The following ZNF423 variants were observed in gnomAD, a reference collection of about 807,000 sequenced individuals.
ZNF423 encodes Ebf-associated zinc finger protein.
ZNF423 carries 12 observed loss-of-function variants against 95.8 expected under a neutral mutation model. That is an observed-to-expected ratio of 0.13 (90% CI 0.08 to 0.20). The LOEUF is 0.20. ZNF423 is among the 10% of genes least tolerant of loss of function. The pLI is 1.00. For missense variants in ZNF423, 1,316 were observed against 1,737.1 expected (o/e 0.76, Z 4.31); for synonymous variants, 749 against 711.9 (o/e 1.05, Z -0.83).
At chr16:49,658,362 G>C (rs906592656) in intron 3 of ZNF423, among the ~76,000 whole-genome samples, 5 of 152,234 alleles carry the variant, frequency 3.3e-5, no homozygotes, top group African/African-American at 1.2e-4. Flanking sequence ...GCCAGGAAGA[G>C]AAGAGCCAGA....
chr16:49,826,246 G>A lies in ZNF423; in HGVS notation c.40+29489C>T, dbSNP rs796743799. On this transcript the variant is annotated intron_variant, in intron 1 of 7. Transcript: ENST00000563137. Reference sequence around the variant, plus strand: ...AAAAGAAAGGGCTGTCACATGCCAGGGATGGGCTTTGATGTGCATTATTAC... The same window carrying A: ...AAAAGAAAGGGCTGTCACATGCCAGAGATGGGCTTTGATGTGCATTATTAC... Among the ~76,000 whole-genome samples the A allele has an allele frequency of 6.6e-5, 10 of 152,254 alleles. No homozygotes were observed. The South Asian group carries it at 1.0e-3, about 16-fold the overall frequency.
At chr16:49,845,690 G>C (rs1244245456) in intron 1 of ZNF423, among the ~76,000 whole-genome samples, 1 of 150,544 alleles carries the variant, frequency 6.6e-6, no homozygotes, top group African/African-American at 2.5e-5. Flanking sequence ...ACAGGCTCCT[G>C]CCACCACACC....
intron 1 of ZNF423, chr16:49,822,593 C>T (rs1234114447): frequency 7.2e-6 from 9 of 1,257,718 alleles, no homozygotes; most frequent in Non-Finnish European, 1.0e-5. Flanking sequence ...TCCAAGAGAA[C>T]TAAGCTCTAG....
chr16:49,854,504 C>G, intron 1 of ZNF423: 1 of 985,470 alleles, frequency 1.0e-6, no homozygotes, highest in Non-Finnish European at 1.2e-6. Flanking sequence ...CAGAACTGGG[C>G]TCAGGCCAGA....
intron 2 of ZNF423, among the ~76,000 whole-genome samples, chr16:49,745,092 T>C (rs2033494763): frequency 6.6e-6 from 1 of 152,146 alleles, no homozygotes; most frequent in Non-Finnish European, 1.5e-5. Context: ...GAAAGCGGGC[T>C]CTTTGTATCA....
intron 5 of ZNF423, among the ~76,000 whole-genome samples, chr16:49,575,291 C>T (rs1282664403): frequency 5.9e-5 from 9 of 152,132 alleles, no homozygotes; most frequent in African/African-American, 1.9e-4. Flanking sequence ...TCTGGCTCCC[C>T]GTCTCCCTGC....
intron 1 of ZNF423, chr16:49,822,753 A>C: frequency 6.3e-7 from 1 of 1,594,772 alleles, no homozygotes; most frequent in East Asian, 2.3e-5. Context: ...GGGAATAAAT[A>C]CAAAATTTCT....
chr16:49,524,892 G>C (rs1487347802), intron 6 of ZNF423, among the ~76,000 whole-genome samples: 1 of 152,218 alleles, frequency 6.6e-6, no homozygotes, highest in South Asian at 2.1e-4. Flanking sequence ...TGGGAACTTG[G>C]CCGGCAGAGC....
intron 1 of ZNF423, chr16:49,854,302 T>A: frequency 2.0e-6 from 2 of 985,366 alleles, no homozygotes; most frequent in East Asian, 2.3e-4. Flanking sequence ...CCTTCTAATA[T>A]GACGGGGAGG....
At chr16:49,763,070 G>A (rs768323023) in intron 2 of ZNF423, among the ~76,000 whole-genome samples, 2 of 151,892 alleles carry the variant, frequency 1.3e-5, no homozygotes, top group Non-Finnish European at 2.9e-5. Flanking sequence ...GTCTTGCTAC[G>A]TCACCCAGGC....
chr16:49,676,305 ATGCACAT>A (rs1317847148), intron 3 of ZNF423, among the ~76,000 whole-genome samples: 1 of 152,226 alleles, frequency 6.6e-6, no homozygotes, highest in East Asian at 1.9e-4. Context: ...TGGCTGGAAA[ATGCACAT>A]TCCCAGATCT....
At chr16:49,811,353 AATG>A (rs2034749398) in intron 1 of ZNF423, among the ~76,000 whole-genome samples, 1 of 152,022 alleles carries the variant, frequency 6.6e-6, no homozygotes, top group African/African-American at 2.4e-5. Flanking sequence ...TGGGATCTCA[AATG>A]ATCGCAGGGG....
intron 7 of ZNF423, among the ~76,000 whole-genome samples, chr16:49,498,462 CGGG>C (rs1474081561): frequency 6.6e-6 from 1 of 152,164 alleles, no homozygotes; most frequent in Non-Finnish European, 1.5e-5. Context: ...GAGAGGAAGG[CGGG>C]GGCCTTATTG....
chr16:49,583,058 C>T (rs149183868), intron 5 of ZNF423, among the ~76,000 whole-genome samples: 1 of 152,324 alleles, frequency 6.6e-6, no homozygotes, highest in East Asian at 1.9e-4. Context: ...CTGTTCCTGC[C>T]TGGCTGGTAA....
At chr16:49,700,213 A>AG (rs1180535307) in intron 3 of ZNF423, among the ~76,000 whole-genome samples, 2,791 of 65,614 alleles carry the variant, frequency 0.043, 52 homozygotes, top group Non-Finnish European at 0.055. Context: ...AAAAAAAAAA[A>AG]AAAACAAGAA....
chr16:49,571,862 G>C (rs1185647666), intron 5 of ZNF423, among the ~76,000 whole-genome samples: 1 of 152,156 alleles, frequency 6.6e-6, no homozygotes, highest in African/African-American at 2.4e-5. Flanking sequence ...GGCAAGTTGG[G>C]TTTTGAATTT....
chr16:49,796,557 G>A (rs543629015), intron 1 of ZNF423, among the ~76,000 whole-genome samples: 14 of 152,336 alleles, frequency 9.2e-5, no homozygotes, highest in African/African-American at 3.4e-4. Context: ...TCAAAGTCAG[G>A]CAAGATGTGT....
At chr16:49,692,578 G>A (rs370264390) in intron 3 of ZNF423, among the ~76,000 whole-genome samples, 1 of 152,192 alleles carries the variant, frequency 6.6e-6, no homozygotes, top group Non-Finnish European at 1.5e-5. Flanking sequence ...GCCTGCAGCC[G>A]CCTCGTCCAT....
At chr16:49,774,208 C>T (rs910794867) in intron 2 of ZNF423, among the ~76,000 whole-genome samples, 2 of 152,228 alleles carry the variant, frequency 1.3e-5, no homozygotes, top group Non-Finnish European at 2.9e-5. Context: ...TCTTTGCTTC[C>T]TCTTTCCACG....
Sources: allele counts gnomAD v4.1 joint callset (sites outside exome capture counted in the v4.1 genomes callset), GRCh38; gene constraint gnomAD v4.1.1; transcripts MANE v1.5; gene names NCBI Gene and HGNC (gene_info 2026-07-23, HGNC 2026-07-21).